Variants in PLD1 observed in about 807,000 individuals in gnomAD.
PLD1 encodes phospholipase D1.
Under a neutral mutation model 137.1 loss-of-function variants are expected in PLD1, and 112 were observed. That is an observed-to-expected ratio of 0.82 (90% CI 0.70 to 0.96). The LOEUF is 0.96. Among genes scored for constraint, PLD1 ranks in the 40% least tolerant of loss-of-function variants. PLD1 has a pLI of 0.00. For missense variants in PLD1, 1,321 were observed against 1,342.0 expected (o/e 0.98, Z 0.24); for synonymous variants, 431 against 454.7 (o/e 0.95, Z 0.66).
At position 171,620,523 on chromosome 3, in the gene PLD1, G is replaced by A; in HGVS notation, c.2594-3C>T. On this transcript the variant is annotated splice_polypyrimidine_tract_variant and splice_region_variant and intron_variant, in intron 23 of 26. Transcript: ENST00000351298. ...GTAATTTATCCACTGATTACCAACT[G>A]CAAATTTAAAAAGAAATTATTAAAA... 1.3e-6 allele frequency: 2 copies of A among 1,537,760 alleles called. No homozygotes were observed. The highest frequency in any genetic ancestry group is 1.8e-6 in the Non-Finnish European group (2 of 1,121,508).
intron 1 of PLD1, among the ~76,000 whole-genome samples, chr3:171,772,680 G>A (rs1439119336): frequency 6.6e-6 from 1 of 152,146 alleles, no homozygotes; most frequent in African/African-American, 2.4e-5. Context: ...TGGATGAGCT[G>A]AACAAACCTC....
At chr3:171,686,004 A>T (rs1391935182) in intron 16 of PLD1, among the ~76,000 whole-genome samples, 1 of 151,980 alleles carries the variant, frequency 6.6e-6, no homozygotes, top group Non-Finnish European at 1.5e-5. Context: ...CTATAATCCC[A>T]GCTACTCAGG....
At chr3:171,649,848 T>TTAAC (rs10625716) in intron 21 of PLD1, among the ~76,000 whole-genome samples, 76,860 of 151,526 alleles carry the variant, frequency 0.51, 20,465 homozygotes, top group African/African-American at 0.68. Context: ...AAAGGAATGG[T>TTAAC]TAAATTATGT....
intron 1 of PLD1, among the ~76,000 whole-genome samples, chr3:171,743,887 T>G (rs966479575): frequency 6.6e-6 from 1 of 152,152 alleles, no homozygotes; most frequent in Non-Finnish European, 1.5e-5. Flanking sequence ...CTCAATACGT[T>G]TGTTGATTAA....
chr3:171,686,814 AT>A lies in PLD1; in HGVS notation c.1754-17del, dbSNP rs1714613296. The A allele has an allele frequency of 6.5e-6, 8 of 1,236,498 alleles. No individual in the cohort carries two copies. The South Asian group carries it at 7.8e-5, about 12-fold the overall frequency. The allele number at this position is 1,236,498 out of a possible 1,614,324, so 76.6% of individuals were successfully genotyped here. On this transcript the variant is annotated splice_polypyrimidine_tract_variant and intron_variant, in intron 15 of 26. Coordinates refer to ENST00000351298, the MANE Select transcript of PLD1 (RefSeq NM_002662.5). ...TTAAAATAACCTAGAGAAATTAAGA[AT>A]TTTTTTACAAAAAAATACAAATATC...
At chr3:171,799,896 A>G (rs1368802529) in intron 1 of PLD1, among the ~76,000 whole-genome samples, 7 of 136,304 alleles carry the variant, frequency 5.1e-5, no homozygotes, top group African/African-American at 1.8e-4. Context: ...CCTCAAAACT[A>G]TCAAGGTCAT....
In PLD1 at chr3:171,709,533, G is replaced by A. The variant is rs41273589; in HGVS notation, c.1061+27C>T. 4.3e-3 allele frequency: 6,882 copies of A among 1,605,612 alleles called. 22 individuals are homozygous for A. Among genetic ancestry groups the A allele is most frequent in the Non-Finnish European group, 4.9e-3 (5,702 of 1,173,798 alleles). ...TAATATTAGATGCTATGACTGCCTT[G>A]ACAGGCTTAGAGAAATAATAACTTA... On this transcript the variant is annotated intron_variant, in intron 10 of 26. Coordinates refer to ENST00000351298, the MANE Select transcript of PLD1 (RefSeq NM_002662.5).
chr3:171,738,104 A>C, intron 1 of PLD1, 22 bp from the exon 2 acceptor site: 1 of 1,400,576 alleles, frequency 7.1e-7, no homozygotes, highest in Non-Finnish European at 9.9e-7. Context: ...GAAAACGGTT[A>C]CAAAGACTTA....
At chr3:171,652,321 G>C (rs558723083) in intron 21 of PLD1, among the ~76,000 whole-genome samples, 2 of 151,418 alleles carry the variant, frequency 1.3e-5, no homozygotes, top group African/African-American at 2.4e-5. Flanking sequence ...GCTGAGGCAG[G>C]AGAATGGCGT....
chr3:171,659,205 G>A lies in PLD1; in HGVS notation c.2429+8C>T. The A allele has an allele frequency of 6.3e-7, 1 of 1,589,612 alleles. No individual in the cohort carries two copies. The highest frequency in any genetic ancestry group is 8.6e-7 in the Non-Finnish European group (1 of 1,157,654). On this transcript the variant is annotated splice_region_variant and intron_variant, in intron 21 of 26. Transcript: ENST00000351298. Reference sequence around the variant, plus strand: ...CTGCAGCGAGAACTCTCAGCCAAAGGCTGTTACCTGTGAGCTTTCAGGATC... The same window carrying A: ...CTGCAGCGAGAACTCTCAGCCAAAGACTGTTACCTGTGAGCTTTCAGGATC...
chr3:171,727,594 G>A (rs758414418), intron 6 of PLD1, among the ~76,000 whole-genome samples: 1 of 152,116 alleles, frequency 6.6e-6, no homozygotes, highest in Admixed American at 6.5e-5. Flanking sequence ...GGAAGCAGAC[G>A]GGAGACCAGA....
chr3:171,761,901 A>G (rs1011153701), intron 1 of PLD1, among the ~76,000 whole-genome samples: 3 of 152,152 alleles, frequency 2.0e-5, no homozygotes, highest in Non-Finnish European at 4.4e-5. Flanking sequence ...TTAACCCTCT[A>G]TCCACACATT....
intron 26 of PLD1, 49 bp from the exon 27 acceptor site, chr3:171,603,351 A>G (rs763465718): frequency 7.8e-7 from 1 of 1,281,360 alleles, no homozygotes; most frequent in Non-Finnish European, 1.1e-6. Flanking sequence ...AAAAGCGAGC[A>G]CATGGCCTTT....
intron 6 of PLD1, among the ~76,000 whole-genome samples, chr3:171,731,402 G>T (rs1718937574): frequency 6.6e-6 from 1 of 152,154 alleles, no homozygotes; most frequent in Non-Finnish European, 1.5e-5. Flanking sequence ...GAATGTTAGA[G>T]AATTAATGTA....
intron 19 of PLD1, among the ~76,000 whole-genome samples, chr3:171,665,039 G>A (rs1027949478): frequency 2.0e-5 from 3 of 152,006 alleles, no homozygotes; most frequent in East Asian, 1.9e-4. Flanking sequence ...TTTTTCCCTC[G>A]AATCCAAAAA....
chr3:171,796,934 C>G (rs1012362897), intron 1 of PLD1, among the ~76,000 whole-genome samples: 6 of 152,160 alleles, frequency 3.9e-5, no homozygotes, highest in Non-Finnish European at 7.4e-5. Flanking sequence ...CTTCCTGCAC[C>G]ATCCGTCGCA....
intron 21 of PLD1, among the ~76,000 whole-genome samples, chr3:171,645,252 G>T (rs1195116319): frequency 1.3e-5 from 2 of 152,176 alleles, no homozygotes; most frequent in Non-Finnish European, 2.9e-5. Flanking sequence ...TGGCAGTAAA[G>T]TAGAAATTGT....
chr3:171,800,951 T>A (rs908735720), intron 1 of PLD1, among the ~76,000 whole-genome samples: 1 of 152,204 alleles, frequency 6.6e-6, no homozygotes, highest in Non-Finnish European at 1.5e-5. Context: ...CCATCACCCC[T>A]TGGGGTGAGG....
intron 1 of PLD1, among the ~76,000 whole-genome samples, chr3:171,805,082 A>G (rs1468724763): frequency 3.9e-5 from 6 of 152,340 alleles, no homozygotes; most frequent in Admixed American, 6.5e-5. Flanking sequence ...TATAAAGTTC[A>G]TAAGTTTATG....
Sources: allele counts gnomAD v4.1 joint callset (sites outside exome capture counted in the v4.1 genomes callset), GRCh38; gene constraint gnomAD v4.1.1; transcripts MANE v1.5; gene names NCBI Gene and HGNC (gene_info 2026-07-23, HGNC 2026-07-21).